Variants in DCUN1D1 observed in about 807,000 individuals in gnomAD.
The protein encoded by DCUN1D1 is defective in cullin neddylation 1 domain containing 1.
DCUN1D1 carries 3 observed loss-of-function variants against 39.0 expected under a neutral mutation model. That is an observed-to-expected ratio of 0.08 (90% CI 0.04 to 0.20). The LOEUF (loss-of-function observed/expected upper bound fraction) is 0.20, where lower values mean the gene tolerates loss of function less well. Among genes scored for constraint, DCUN1D1 ranks in the 10% least tolerant of loss-of-function variants. DCUN1D1 has a pLI of 1.00. For synonymous variants in DCUN1D1, 82 were observed against 96.3 expected, an observed-to-expected ratio of 0.85 and a Z score of 0.87; for missense variants, 158 against 302.4, an observed-to-expected ratio of 0.52 and a Z score of 3.54.
At position 182,939,924 on chromosome 3, in the gene DCUN1D1, T is replaced by C. The variant is rs1726063558; in HGVS notation, c.*5170A>G. ...TGGTTCATAGTTCGTTCATTTGATA[T>C]ATTCAACACAACGAAGTCTAATATA... On this transcript the variant is annotated 3_prime_UTR_variant, in exon 7 of 7. Transcript: ENST00000292782. 1 of 152,226 alleles carries C rather than the reference T, an allele frequency of 6.6e-6. No homozygotes were observed. The highest frequency in any genetic ancestry group is 2.4e-5 in the African/African-American group (1 of 41,462). The allele number at this position is 152,226 out of a possible 1,614,324, so 9.4% of individuals were successfully genotyped here.
At chr3:182,946,723 C>T (rs1435158574) in intron 6 of DCUN1D1, among the ~76,000 whole-genome samples, 3 of 152,200 alleles carry the variant, frequency 2.0e-5, no homozygotes, top group East Asian at 3.9e-4. Flanking sequence ...TTACTTATGC[C>T]TTTCTGGAAG....
chr3:182,979,336 A>T (rs142828220), intron 1 of DCUN1D1, among the ~76,000 whole-genome samples: 1 of 152,270 alleles, frequency 6.6e-6, no homozygotes, highest in Non-Finnish European at 1.5e-5. Context: ...AGACCAACTA[A>T]AAACAAAGAC....
At chr3:182,966,854 C>T (rs1308292002) in intron 1 of DCUN1D1, among the ~76,000 whole-genome samples, 5 of 152,198 alleles carry the variant, frequency 3.3e-5, no homozygotes, top group Admixed American at 6.5e-5. Flanking sequence ...CGCCTGTAAT[C>T]CCAGCACCTT....
At chr3:182,960,484 T>A (rs771265418) in intron 4 of DCUN1D1, among the ~76,000 whole-genome samples, 16 of 152,220 alleles carry the variant, frequency 1.1e-4, no homozygotes, top group Non-Finnish European at 1.8e-4. Flanking sequence ...ACATCTTTTA[T>A]CTTCCCTCGT....
intron 4 of DCUN1D1, among the ~76,000 whole-genome samples, chr3:182,957,745 G>A (rs1399179340): frequency 1.8e-4 from 27 of 151,684 alleles, no homozygotes; most frequent in Admixed American, 1.6e-3. Flanking sequence ...TAACCAGGCT[G>A]GGTAATACCG....
Position 182,943,944 on chromosome 3 carries a change from A to G in DCUN1D1, c.*1150T>C, listed in dbSNP as rs1726263507. On this transcript the variant is annotated 3_prime_UTR_variant, in exon 7 of 7. Coordinates refer to ENST00000292782, the MANE Select transcript of DCUN1D1 (RefSeq NM_020640.4). Reference sequence around the variant, plus strand: ...TTTGAAAATCTTTGCTCCTGAAGTAAATATTTGGCAACCACAGTGATTAGC... The same window carrying G: ...TTTGAAAATCTTTGCTCCTGAAGTAGATATTTGGCAACCACAGTGATTAGC... 6.6e-6 allele frequency: 1 copy of G among 152,634 alleles called. No homozygotes were observed. Among genetic ancestry groups the G allele is most frequent in the South Asian group, 2.1e-4 (1 of 4,832 alleles). The allele number at this position is 152,634 out of a possible 1,614,324, so 9.5% of individuals were successfully genotyped here. A position where few individuals can be genotyped will look rare whatever the true frequency, so the allele number is the denominator to read the frequency against.
At chr3:182,971,603 A>G (rs1020323826) in intron 1 of DCUN1D1, among the ~76,000 whole-genome samples, 2 of 151,738 alleles carry the variant, frequency 1.3e-5, no homozygotes, top group African/African-American at 2.4e-5. Context: ...AAAAAACTCC[A>G]GAAAAAAAAA....
In DCUN1D1 at chr3:182,940,396, A is replaced by T. The variant is rs942220780; in HGVS notation, c.*4698T>A. 1 of 152,156 alleles carries T rather than the reference A, an allele frequency of 6.6e-6. No individual in the cohort carries two copies. The highest frequency in any genetic ancestry group is 6.6e-5 in the Admixed American group (1 of 15,254). 9.4% of individuals were successfully genotyped at this position (152,156 alleles called of 1,614,324 possible). A position where few individuals can be genotyped will look rare whatever the true frequency, so the allele number is the denominator to read the frequency against. ...AGTTTCAAACACTTCATTGTTTCCA[A>T]TCAGGCTTTGTTTTTACGATGTGGG... On this transcript the variant is annotated 3_prime_UTR_variant, in exon 7 of 7. Coordinates refer to ENST00000292782, the MANE Select transcript of DCUN1D1 (RefSeq NM_020640.4).
chr3:182,981,977 T>A (rs1438013944), upstream of DCUN1D1, among the ~76,000 whole-genome samples: 10 of 152,196 alleles, frequency 6.6e-5, no homozygotes. Flanking sequence ...CTGGACTACA[T>A]CCACGGAGGT....
At chr3:182,980,385 G>A in intron 1 of DCUN1D1, 102 bp downstream of exon 1, 2 of 883,244 alleles carry the variant, frequency 2.3e-6, no homozygotes, top group Non-Finnish European at 2.7e-6. Flanking sequence ...GCCGAGGCTC[G>A]GGGCTGCAGG....
At chr3:182,969,807 T>C (rs958172309) in intron 1 of DCUN1D1, among the ~76,000 whole-genome samples, 2 of 152,176 alleles carry the variant, frequency 1.3e-5, no homozygotes, top group Non-Finnish European at 2.9e-5. Flanking sequence ...GTATCAAAGA[T>C]TACCAAAATT....
chr3:182,981,348 G>T (rs752815836), upstream of DCUN1D1, among the ~76,000 whole-genome samples: 7 of 152,168 alleles, frequency 4.6e-5, no homozygotes, highest in Non-Finnish European at 7.4e-5. Flanking sequence ...TTCACTGAGG[G>T]TCTAGTCACG....
chr3:182,960,949 A>C (rs992423040), intron 4 of DCUN1D1, among the ~76,000 whole-genome samples: 13 of 152,202 alleles, frequency 8.5e-5, no homozygotes, highest in African/African-American at 2.7e-4. Context: ...TGAATGCATA[A>C]ATAAATAACT....
At position 182,985,662 on chromosome 3, in the gene DCUN1D1, A is replaced by G. The variant is rs936425567; in HGVS notation, c.-161-40T>C. On this transcript the variant is annotated intron_variant, in intron 1 of 7. Coordinates refer to the DCUN1D1 transcript ENST00000460412. ...AAAAAATAAAGTTAAAAGTAAATAAATAAGAACCATTATAAAAGGGATTCT... is the reference window on the plus strand; with the variant it reads ...AAAAAATAAAGTTAAAAGTAAATAAGTAAGAACCATTATAAAAGGGATTCT... 3 of 152,244 alleles carry G rather than the reference A, an allele frequency of 2.0e-5. No individual in the cohort carries two copies. The East Asian group carries it at 5.8e-4, about 29-fold the overall frequency. 9.4% of individuals were successfully genotyped at this position (152,244 alleles called of 1,614,324 possible).
chr3:182,980,179 C>T lies in DCUN1D1; in HGVS notation c.3+308G>A, dbSNP rs891819574. 11 of 564,398 alleles carry T rather than the reference C, an allele frequency of 1.9e-5. No homozygotes were observed. In the Admixed American group the frequency reaches 2.5e-4, roughly 13 times the overall value. The allele number at this position is 564,398 out of a possible 1,614,324, so 35.0% of individuals were successfully genotyped here. A position where few individuals can be genotyped will look rare whatever the true frequency, so the allele number is the denominator to read the frequency against. ...CCTCCCCCCGCCCCAACGCCTCCCC[C>T]ACCCGCGCCGGGCCCCGGCAAGGGG... On this transcript the variant is annotated intron_variant, in intron 1 of 6. Coordinates refer to ENST00000292782, the MANE Select transcript of DCUN1D1 (RefSeq NM_020640.4).
Position 182,947,561 on chromosome 3 carries a change from T to C in DCUN1D1, c.592A>G (p.Lys198Glu), listed in dbSNP as rs753959926. ...GRFKFLDLWN[K>E]FLLEHHKRSI... ...AAATGTGAACTTACCAACAAAAATT[T>C]ATTCCATAAGTCTAAGAATTTAAAT... Residue 198 changes from lysine (K) to glutamate (E), a missense_variant, in exon 5 of 7, where the codon AAA becomes GAA. Physicochemically the swap from Lys to Glu is moderately conservative, Grantham distance 56. Coordinates refer to ENST00000292782, the MANE Select transcript of DCUN1D1 (RefSeq NM_020640.4). The C allele has an allele frequency of 6.4e-7, 1 of 1,567,972 alleles. No individual in the cohort carries two copies. Among genetic ancestry groups the C allele is most frequent in the South Asian group, 1.2e-5 (1 of 86,216 alleles).
intron 1 of DCUN1D1, among the ~76,000 whole-genome samples, chr3:182,969,223 C>A (rs180916877): frequency 6.6e-6 from 1 of 152,322 alleles, no homozygotes; most frequent in East Asian, 1.9e-4. Context: ...CAAAGGCTAT[C>A]CTAGAATAAA....
At chr3:182,951,438 G>A (rs141472892) in intron 4 of DCUN1D1, among the ~76,000 whole-genome samples, 131 of 151,780 alleles carry the variant, frequency 8.6e-4, no homozygotes, top group Non-Finnish European at 1.4e-3. Context: ...AACATAGTGA[G>A]ACTTGGTCTC....
Position 182,939,678 on chromosome 3 carries a change from T to TGGAG in DCUN1D1, c.*5415_*5416insCTCC, listed in dbSNP as rs1205597950. On this transcript the variant is annotated 3_prime_UTR_variant, in exon 7 of 7. Transcript: ENST00000292782. ...TGTACAGAAAGCAGATCAGTGTGGC[T>TGGAG]GCGTGGGGCTGGAGGCAGGAGCAAA... The TGGAG allele has an allele frequency of 6.6e-6, 1 of 152,258 alleles. No homozygotes were observed. The highest frequency in any genetic ancestry group is 1.9e-4 in the East Asian group (1 of 5,202). 9.4% of individuals were successfully genotyped at this position (152,258 alleles called of 1,614,324 possible). A position where few individuals can be genotyped will look rare whatever the true frequency, so the allele number is the denominator to read the frequency against.
Sources: allele counts gnomAD v4.1 joint callset (sites outside exome capture counted in the v4.1 genomes callset), GRCh38; gene constraint gnomAD v4.1.1; transcripts MANE v1.5; gene names NCBI Gene and HGNC (gene_info 2026-07-23, HGNC 2026-07-21).